Variants in RIN3 observed in about 807,000 individuals in gnomAD.
RIN3 encodes the protein RAB5 interacting protein 3.
In RIN3, 54 loss-of-function variants were observed where a neutral mutation model predicts 76.3. That is an observed-to-expected ratio of 0.71 (90% confidence interval 0.57 to 0.89). The LOEUF (loss-of-function observed/expected upper bound fraction) is 0.89, where lower values mean the gene tolerates loss of function less well. Among genes scored for constraint, RIN3 ranks in the 40% least tolerant of loss-of-function variants. The probability of loss-of-function intolerance (pLI) is 0.00; values close to 1 mark genes in which losing one functional copy is unlikely to be tolerated. For missense variants in RIN3, 1,256 were observed against 1,322.1 expected, an observed-to-expected ratio of 0.95 and a Z score of 0.78; for synonymous variants, 576 against 564.0, an observed-to-expected ratio of 1.02 and a Z score of -0.30.
intron 3 of RIN3, among the ~76,000 whole-genome samples, chr14:92,612,110 C>T (rs937886214): frequency 1.3e-5 from 2 of 152,148 alleles, no homozygotes; most frequent in African/African-American, 4.8e-5. Context: ...CCCACCAGGC[C>T]CCACCTCCAA....
chr14:92,671,149 C>T (rs1206759312), intron 7 of RIN3, among the ~76,000 whole-genome samples: 2 of 152,228 alleles, frequency 1.3e-5, no homozygotes, highest in Admixed American at 6.5e-5. Context: ...TAGTGACTCA[C>T]TCTGGCTCAC....
intron 8 of RIN3, among the ~76,000 whole-genome samples, chr14:92,683,004 A>G (rs559049368): frequency 2.0e-4 from 30 of 152,194 alleles, no homozygotes; most frequent in African/African-American, 7.0e-4. Flanking sequence ...CGTTTCTACT[A>G]AAAATACAAA....
At chr14:92,613,653 C>T (rs1351136442) in intron 3 of RIN3, among the ~76,000 whole-genome samples, 1 of 152,118 alleles carries the variant, frequency 6.6e-6, no homozygotes, top group Non-Finnish European at 1.5e-5. Flanking sequence ...CACCTATGTG[C>T]GTGTGGCTTT....
Position 92,539,627 on chromosome 14 carries a change from G to C in RIN3, c.45-16124G>C, listed in dbSNP as rs1050852808. ...AGCTTGGGCCTGGTGGGAGTGGACA[G>C]ACCTGCCCAGGACAGGTGGTGGGGT... On this transcript the variant is annotated intron_variant, in intron 1 of 9. Coordinates refer to ENST00000216487, the MANE Select transcript of RIN3 (RefSeq NM_024832.5). 5.3e-5 allele frequency among the ~76,000 whole-genome samples: 8 copies of C among 152,188 alleles called. No homozygotes were observed. The East Asian group carries it at 1.3e-3, about 26-fold the overall frequency.
intron 1 of RIN3, among the ~76,000 whole-genome samples, chr14:92,554,909 C>G (rs2140034108): frequency 6.6e-6 from 1 of 151,816 alleles, no homozygotes; most frequent in African/African-American, 2.4e-5. Context: ...GGCGACAGAG[C>G]AAGAATCTGT....
chr14:92,586,899 A>G (rs1595437088), intron 3 of RIN3, among the ~76,000 whole-genome samples: 2 of 152,344 alleles, frequency 1.3e-5, no homozygotes, highest in East Asian at 3.9e-4. Context: ...TGGACGATGG[A>G]AAATATTTGT....
chr14:92,626,674 A>C (rs1886366306), intron 4 of RIN3, among the ~76,000 whole-genome samples: 1 of 152,112 alleles, frequency 6.6e-6, no homozygotes, highest in African/African-American at 2.4e-5. Flanking sequence ...GGGGAGGAAT[A>C]ATAGGAGTAG....
chr14:92,677,208 G>C (rs1436373149), intron 8 of RIN3, among the ~76,000 whole-genome samples: 2 of 152,144 alleles, frequency 1.3e-5, no homozygotes, highest in Non-Finnish European at 2.9e-5. Flanking sequence ...TGAAGGCAGA[G>C]GTGTGGTTTG....
chr14:92,650,162 C>T (rs568826756), intron 5 of RIN3, among the ~76,000 whole-genome samples: 5 of 152,202 alleles, frequency 3.3e-5, no homozygotes, highest in South Asian at 2.1e-4. Flanking sequence ...TGCTACTCAC[C>T]GATGCCGGGA....
intron 1 of RIN3, among the ~76,000 whole-genome samples, chr14:92,553,578 C>T (rs1897494765): frequency 1.3e-5 from 2 of 152,082 alleles, no homozygotes; most frequent in South Asian, 4.2e-4. Flanking sequence ...CCTGCCATTC[C>T]CCGGGACACT....
chr14:92,539,788 G>C (rs1897091311), intron 1 of RIN3, among the ~76,000 whole-genome samples: 1 of 152,094 alleles, frequency 6.6e-6, no homozygotes, highest in Admixed American at 6.5e-5. Flanking sequence ...GGATGCTGGG[G>C]GTGTACAGGG....
At chr14:92,602,362 G>A (rs999268858) in intron 3 of RIN3, among the ~76,000 whole-genome samples, 5 of 152,356 alleles carry the variant, frequency 3.3e-5, no homozygotes, top group East Asian at 1.9e-4. Flanking sequence ...CATCACTGCC[G>A]ACAGTGAGGC....
chr14:92,580,625 A>G (rs1279559202), intron 3 of RIN3, among the ~76,000 whole-genome samples: 2 of 152,266 alleles, frequency 1.3e-5, no homozygotes. Flanking sequence ...TCCCACTCAC[A>G]GGCAAGATTC....
chr14:92,524,106 A>G (rs1595387396), intron 1 of RIN3, among the ~76,000 whole-genome samples: 1 of 152,008 alleles, frequency 6.6e-6, no homozygotes, highest in African/African-American at 2.4e-5. Flanking sequence ...AGGCAGGGGG[A>G]TCTCTCGAGC....
chr14:92,680,844 T>C (rs1446566685), intron 8 of RIN3, among the ~76,000 whole-genome samples: 2 of 152,190 alleles, frequency 1.3e-5, no homozygotes, highest in Non-Finnish European at 2.9e-5. Context: ...GGGGTCTTAC[T>C]TTCCTTGCAG....
intron 1 of RIN3, among the ~76,000 whole-genome samples, chr14:92,519,998 AGGGGTAG>A (rs1896551767): frequency 6.6e-6 from 1 of 152,182 alleles, no homozygotes. Flanking sequence ...TCCTCTCCAC[AGGGGTAG>A]GGGTTGGAGG....
In RIN3 at chr14:92,561,020, T is replaced by TAA. The variant is rs1324990452; in HGVS notation, c.249+5089_249+5090dup. Among the ~76,000 whole-genome samples the TAA allele has an allele frequency of 2.8e-3, 67 of 23,642 alleles. 7 individuals carry two copies. The highest frequency in any genetic ancestry group is 0.01 in the East Asian group (8 of 786). The allele number at this position is 23,642 out of a possible 152,430, so 15.5% of individuals were successfully genotyped here. On this transcript the variant is annotated intron_variant, in intron 2 of 9. Coordinates refer to ENST00000216487, the MANE Select transcript of RIN3 (RefSeq NM_024832.5). ...TGGGCAACAAGAGCGAAACTCTGTC[T>TAA]AAAAAAAAAAAAAAAAAAAAAAAAA...
chr14:92,604,160 C>T (rs1191780130), intron 3 of RIN3, among the ~76,000 whole-genome samples: 1 of 152,210 alleles, frequency 6.6e-6, no homozygotes, highest in Non-Finnish European at 1.5e-5. Context: ...GGTGGGGGTC[C>T]ATGGAAGAGT....
chr14:92,523,611 C>T (rs1000188517), intron 1 of RIN3, among the ~76,000 whole-genome samples: 1 of 152,236 alleles, frequency 6.6e-6, no homozygotes, highest in African/African-American at 2.4e-5. Context: ...AGAGAAGAGG[C>T]AGCTTTGCAT....
Sources: gnomAD v4.1 joint callset for allele counts (sites outside exome capture counted in the v4.1 genomes callset) on GRCh38, gnomAD v4.1.1 for gene constraint, MANE v1.5 for transcripts, NCBI Gene and HGNC (gene_info 2026-07-23, HGNC 2026-07-21) for gene names.